Variants in KIF1B observed in about 807,000 individuals in gnomAD.
The protein encoded by KIF1B is kinesin family member 1B, also known as kinesin-like protein KIF1B.
KIF1B carries 76 observed loss-of-function variants against 241.9 expected under a neutral mutation model. That is an observed-to-expected ratio of 0.31 (90% CI 0.26 to 0.38). The LOEUF (loss-of-function observed/expected upper bound fraction) is 0.38, where lower values mean the gene tolerates loss of function less well. Among genes scored for constraint, KIF1B ranks in the 10% least tolerant of loss-of-function variants. KIF1B has a pLI of 1.00. For synonymous variants in KIF1B, 750 were observed against 796.7 expected, an observed-to-expected ratio of 0.94 and a Z score of 0.99; for missense variants, 1,622 against 2,271.4, an observed-to-expected ratio of 0.71 and a Z score of 5.81.
At chr1:10,237,667 G>A (rs1240458188) in intron 2 of KIF1B, among the ~76,000 whole-genome samples, 1 of 151,950 alleles carries the variant, frequency 6.6e-6, no homozygotes, top group Non-Finnish European at 1.5e-5. Context: ...TAAACCAAAT[G>A]CCGCACAGCG....
intron 1 of KIF1B, among the ~76,000 whole-genome samples, chr1:10,214,276 CTTCTTTCT>C (rs544003990): frequency 2.0e-5 from 3 of 151,686 alleles, no homozygotes; most frequent in East Asian, 1.9e-4. Flanking sequence ...CACTTTACCA[CTTCTTTCT>C]TTCTTTCTTT....
chr1:10,304,295 A>G, intron 22 of KIF1B: 1 of 1,614,218 alleles, frequency 6.2e-7, no homozygotes, highest in Non-Finnish European at 8.5e-7. Flanking sequence ...AGCAAGCAGC[A>G]CATTAATAAT....
At chr1:10,243,956 G>GTTAA (rs70997212) in intron 2 of KIF1B, among the ~76,000 whole-genome samples, 72,185 of 151,550 alleles carry the variant, frequency 0.48, 17,268 homozygotes, top group Middle Eastern at 0.51. Context: ...GAGCAGAATT[G>GTTAA]TTGATTGTTT....
At chr1:10,217,804 C>G in intron 1 of KIF1B, among the ~76,000 whole-genome samples, 1 of 151,952 alleles carries the variant, frequency 6.6e-6, no homozygotes, top group South Asian at 2.1e-4. Flanking sequence ...CTGTACTCCC[C>G]CGTGATGCTG....
At chr1:10,361,889 T>G (rs1399993486) in intron 40 of KIF1B, 64 bp downstream of exon 40, 2 of 1,575,982 alleles carry the variant, frequency 1.3e-6, no homozygotes, top group Non-Finnish European at 1.7e-6. Flanking sequence ...CATTAGTCCT[T>G]AAGTATTCTC....
chr1:10,272,161 C>A, intron 8 of KIF1B, 80 bp from the exon 9 acceptor site: 2 of 927,966 alleles, frequency 2.2e-6, no homozygotes, highest in Non-Finnish European at 1.8e-6. Context: ...TAGCATATGG[C>A]AAATCATATT....
At chr1:10,313,067 G>T (rs2102284264) in intron 22 of KIF1B, among the ~76,000 whole-genome samples, 1 of 151,068 alleles carries the variant, frequency 6.6e-6, no homozygotes, top group South Asian at 2.1e-4. Flanking sequence ...GTTTTGTTTT[G>T]TTTTTTGTTT....
At chr1:10,320,158 T>A in intron 23 of KIF1B, 22 bp downstream of exon 23, 1 of 1,503,076 alleles carries the variant, frequency 6.7e-7, no homozygotes, top group Non-Finnish European at 9.3e-7. Flanking sequence ...AGACCGAAAG[T>A]TTCCTGTGTA....
At chr1:10,299,729 A>C (rs78593550) in intron 22 of KIF1B, among the ~76,000 whole-genome samples, 1 of 152,208 alleles carries the variant, frequency 6.6e-6, no homozygotes, top group African/African-American at 2.4e-5. Context: ...TTCTTCAGTT[A>C]GTGCTCTAGG....
intron 22 of KIF1B, among the ~76,000 whole-genome samples, chr1:10,310,666 T>C (rs1651028988): frequency 6.6e-6 from 1 of 151,524 alleles, no homozygotes; most frequent in African/African-American, 2.5e-5. Flanking sequence ...GTGTATGTAA[T>C]CTAGAAGACA....
chr1:10,277,172 G>A (rs1282357063), intron 12 of KIF1B, among the ~76,000 whole-genome samples: 5 of 151,922 alleles, frequency 3.3e-5, no homozygotes, highest in Non-Finnish European at 7.4e-5. Context: ...ATAGCCAGGT[G>A]CAGTGGTGTG....
intron 2 of KIF1B, among the ~76,000 whole-genome samples, chr1:10,253,044 A>G (rs915244030): frequency 3.3e-5 from 5 of 152,176 alleles, no homozygotes; most frequent in African/African-American, 4.8e-5. Context: ...AATTTTAAAC[A>G]ATGCCTACAG....
intron 35 of KIF1B, 150 bp downstream of exon 35, chr1:10,346,103 G>A (rs1388105885): frequency 1.4e-6 from 1 of 696,612 alleles, no homozygotes. Context: ...TAATAGAGAT[G>A]CAGTCTTGTT....
intron 45 of KIF1B, 65 bp downstream of exon 45, chr1:10,371,327 T>C (rs1024829197): frequency 1.9e-6 from 3 of 1,583,432 alleles, no homozygotes; most frequent in East Asian, 2.2e-5. Context: ...AACCTTCCTC[T>C]AGCTCAATGG....
chr1:10,214,183 T>A (rs1571076029), intron 1 of KIF1B, among the ~76,000 whole-genome samples: 1 of 152,302 alleles, frequency 6.6e-6, no homozygotes, highest in South Asian at 2.1e-4. Context: ...GGCCACTGAT[T>A]CATTGATGCT....
intron 22 of KIF1B, among the ~76,000 whole-genome samples, chr1:10,297,503 A>G (rs1650327830): frequency 6.6e-6 from 1 of 152,206 alleles, no homozygotes; most frequent in Non-Finnish European, 1.5e-5. Context: ...AATACTTTTT[A>G]AGGAAATAGA....
intron 12 of KIF1B, among the ~76,000 whole-genome samples, chr1:10,277,139 A>C (rs111361744): frequency 0.036 from 5,487 of 152,020 alleles, 345 homozygotes; most frequent in African/African-American, 0.12. Flanking sequence ...AGGAATATGT[A>C]GCAATATTAA....
intron 32 of KIF1B, among the ~76,000 whole-genome samples, chr1:10,340,884 C>T (rs758157521): frequency 2.6e-4 from 40 of 152,364 alleles, no homozygotes; most frequent in Non-Finnish European, 3.7e-4. Context: ...TCAGGATATT[C>T]ACTACTACAT....
At chr1:10,316,185 A>G (rs938556325) in intron 22 of KIF1B, among the ~76,000 whole-genome samples, 2 of 150,916 alleles carry the variant, frequency 1.3e-5, no homozygotes, top group East Asian at 3.9e-4. Flanking sequence ...GTGAGCTATG[A>G]TTGTACCATT....
Sources: allele counts gnomAD v4.1 joint callset (sites outside exome capture counted in the v4.1 genomes callset), GRCh38; gene constraint gnomAD v4.1.1; transcripts MANE v1.5; gene names NCBI Gene and HGNC (gene_info 2026-07-23, HGNC 2026-07-21).